Variants in GTF2E1 observed in about 807,000 individuals in gnomAD.
GTF2E1 encodes the protein TFIIE alpha subunit.
A neutral mutation model predicts 34.9 loss-of-function variants in GTF2E1; 14 were observed. The observed-to-expected ratio is 0.40, with a 90% CI of 0.27 to 0.63. The LOEUF (loss-of-function observed/expected upper bound fraction) is 0.63. GTF2E1 is among the 20% of genes least tolerant of loss of function. The pLI is 0.39. For missense variants in GTF2E1, 469 were observed against 557.7 expected (o/e 0.84, Z 1.60); for synonymous variants, 188 against 192.9 (o/e 0.97, Z 0.21).
intron 1 of GTF2E1, among the ~76,000 whole-genome samples, chr3:120,744,245 T>TG (rs1184991629): frequency 2.0e-5 from 3 of 152,100 alleles, no homozygotes; most frequent in Admixed American, 1.3e-4. Context: ...ATACAATGCG[T>TG]GGGGGGCTGC....
chr3:120,756,897 G>T (rs541022184), intron 2 of GTF2E1, among the ~76,000 whole-genome samples: 40 of 152,256 alleles, frequency 2.6e-4, no homozygotes, highest in Non-Finnish European at 4.4e-5. Context: ...CTGCACTCCA[G>T]TCTGGGCGAC....
At chr3:120,777,254 C>T (rs1709409567) in intron 4 of GTF2E1, among the ~76,000 whole-genome samples, 1 of 152,144 alleles carries the variant, frequency 6.6e-6, no homozygotes. Context: ...CAAGATTTTA[C>T]TTTCTAAGTT....
chr3:120,755,918 G>A (rs890380242), intron 2 of GTF2E1, among the ~76,000 whole-genome samples: 13 of 152,032 alleles, frequency 8.6e-5, no homozygotes, highest in African/African-American at 2.9e-4. Context: ...TTCCAGTTCC[G>A]TCTATGTTGC....
Position 120,765,057 on chromosome 3 carries a change from CT to C in GTF2E1, c.449-5667del, listed in dbSNP as rs1311886612. Reference sequence around the variant, plus strand: ...CCTCCCCATCCCCAATTCATTTTTGCTTTTACTTTTTTTATTTTGGAGAAAG... The same window carrying C: ...CCTCCCCATCCCCAATTCATTTTTGCTTTACTTTTTTTATTTTGGAGAAAG... On this transcript the variant is annotated intron_variant, in intron 2 of 4. Coordinates refer to ENST00000283875, the MANE Select transcript of GTF2E1 (RefSeq NM_005513.3). Among the ~76,000 whole-genome samples the C allele has an allele frequency of 3.7e-5, 4 of 109,462 alleles. 1 individual carries two copies. Among genetic ancestry groups the C allele is most frequent in the African/African-American group, 6.7e-5 (2 of 29,704 alleles). The allele number at this position is 109,462 out of a possible 152,430, so 71.8% of individuals were successfully genotyped here. A position where few individuals can be genotyped will look rare whatever the true frequency, so the allele number is the denominator to read the frequency against.
chr3:120,774,174 G>T (rs1709378983), intron 3 of GTF2E1, among the ~76,000 whole-genome samples: 1 of 152,128 alleles, frequency 6.6e-6, no homozygotes, highest in Non-Finnish European at 1.5e-5. Flanking sequence ...TCCCAGGTGG[G>T]TTTAGCTAAC....
At chr3:120,772,538 G>C (rs577545490) in intron 3 of GTF2E1, among the ~76,000 whole-genome samples, 79 of 152,126 alleles carry the variant, frequency 5.2e-4, no homozygotes, top group Non-Finnish European at 9.1e-4. Context: ...TTTTCTTTTT[G>C]TATCTTTTTC....
Position 120,757,938 on chromosome 3 carries a change from G to A in GTF2E1, c.448+6938G>A, listed in dbSNP as rs180817281. ...AGCACTTTGGGAGGCCGAGGTGGGC[G>A]GATCACTTGAGGTTAGGAGTTCAAG... On this transcript the variant is annotated intron_variant, in intron 2 of 4. Coordinates refer to ENST00000283875, the MANE Select transcript of GTF2E1 (RefSeq NM_005513.3). 1.5e-4 allele frequency among the ~76,000 whole-genome samples: 23 copies of A among 152,284 alleles called. No homozygotes were observed. In the East Asian group the frequency reaches 4.0e-3, roughly 27 times the overall value.
chr3:120,750,497 A>T, intron 1 of GTF2E1, 26 bp from the exon 2 acceptor site: 1 of 1,392,170 alleles, frequency 7.2e-7, no homozygotes, highest in Non-Finnish European at 1.0e-6. Context: ...ATACCTGGCT[A>T]ATTTTCTGTT....
intron 1 of GTF2E1, among the ~76,000 whole-genome samples, chr3:120,748,885 A>T (rs1226382730): frequency 6.6e-6 from 1 of 152,222 alleles, no homozygotes; most frequent in African/African-American, 2.4e-5. Context: ...ACCCATGAGC[A>T]TGGAATGTTC....
intron 4 of GTF2E1, among the ~76,000 whole-genome samples, chr3:120,780,033 G>C (rs918713776): frequency 2.6e-5 from 4 of 152,208 alleles, no homozygotes; most frequent in African/African-American, 9.6e-5. Flanking sequence ...TGTGTGGTGA[G>C]AGAAGCTTCA....
chr3:120,772,358 T>G (rs1709360801), intron 3 of GTF2E1, among the ~76,000 whole-genome samples: 1 of 152,144 alleles, frequency 6.6e-6, no homozygotes, highest in Non-Finnish European at 1.5e-5. Context: ...CCAGAGTTCT[T>G]TGGAGCAAAT....
intron 1 of GTF2E1, among the ~76,000 whole-genome samples, chr3:120,743,202 C>G (rs1379703086): frequency 6.6e-6 from 1 of 152,228 alleles, no homozygotes; most frequent in Non-Finnish European, 1.5e-5. Context: ...TGTAGAATCC[C>G]AAGTTGTTCT....
At chr3:120,752,251 G>A (rs940913395) in intron 2 of GTF2E1, among the ~76,000 whole-genome samples, 6 of 152,116 alleles carry the variant, frequency 3.9e-5, no homozygotes, top group South Asian at 2.1e-4. Context: ...AACCATCCTC[G>A]GTATGAGAAT....
intron 4 of GTF2E1, among the ~76,000 whole-genome samples, chr3:120,778,956 C>T (rs1208457037): frequency 6.6e-6 from 1 of 152,122 alleles, no homozygotes; most frequent in African/African-American, 2.4e-5. Context: ...TTTTTTGCTG[C>T]AACTTGGCCT....
At chr3:120,778,102 C>G (rs958336983) in intron 4 of GTF2E1, among the ~76,000 whole-genome samples, 4 of 152,198 alleles carry the variant, frequency 2.6e-5, no homozygotes, top group African/African-American at 9.7e-5. Context: ...TTTGTTTTCC[C>G]CAACTTGGCT....
At chr3:120,769,714 T>C (rs1398617623) in intron 2 of GTF2E1, among the ~76,000 whole-genome samples, 1 of 152,154 alleles carries the variant, frequency 6.6e-6, no homozygotes, top group African/African-American at 2.4e-5. Flanking sequence ...CATAGTCTGA[T>C]GTTAGTGATC....
intron 2 of GTF2E1, among the ~76,000 whole-genome samples, chr3:120,760,813 TGGATTCGGTTTGCCA>T (rs1250091466): frequency 6.6e-6 from 1 of 152,228 alleles, no homozygotes; most frequent in Non-Finnish European, 1.5e-5. Flanking sequence ...GATGTGCTGC[TGGATTCGGTTTGCCA>T]GTATTGTAGT....
intron 2 of GTF2E1, among the ~76,000 whole-genome samples, chr3:120,760,911 C>T (rs995821447): frequency 6.6e-6 from 1 of 152,072 alleles, no homozygotes; most frequent in Admixed American, 6.5e-5. Context: ...CTCTACCAGG[C>T]TTTGGTATCA....
At chr3:120,779,203 C>T (rs1709426816) in intron 4 of GTF2E1, among the ~76,000 whole-genome samples, 1 of 152,146 alleles carries the variant, frequency 6.6e-6, no homozygotes, top group African/African-American at 2.4e-5. Context: ...TTACGTGTGA[C>T]TTAATTTAGT....
Sources: allele counts gnomAD v4.1 joint callset (sites outside exome capture counted in the v4.1 genomes callset), GRCh38; gene constraint gnomAD v4.1.1; transcripts MANE v1.5; gene names NCBI Gene and HGNC (gene_info 2026-07-23, HGNC 2026-07-21).